Variants in SNAP25 observed in about 807,000 individuals in gnomAD.
SNAP25 encodes the protein synaptosomal-associated protein 25.
SNAP25 carries 3 observed loss-of-function variants against 28.7 expected under a neutral mutation model. The observed-to-expected ratio is 0.10, with a 90% CI of 0.05 to 0.27. The LOEUF (loss-of-function observed/expected upper bound fraction) is 0.27. Among genes scored for constraint, SNAP25 ranks in the 10% least tolerant of loss-of-function variants. The pLI, the probability that SNAP25 is intolerant of heterozygous loss-of-function variation, is 1.00. For synonymous variants in SNAP25, 61 were observed against 88.1 expected, an observed-to-expected ratio of 0.69 and a Z score of 1.72; for missense variants, 117 against 278.7, an observed-to-expected ratio of 0.42 and a Z score of 4.13.
At chr20:10,234,384 G>A (rs1424183128) in intron 1 of SNAP25, among the ~76,000 whole-genome samples, 4 of 152,136 alleles carry the variant, frequency 2.6e-5, no homozygotes, top group African/African-American at 9.7e-5. Context: ...ATCCATAAAT[G>A]GAACACTAGT....
intron 7 of SNAP25, among the ~76,000 whole-genome samples, chr20:10,304,223 C>T (rs1312147316): frequency 6.6e-6 from 1 of 152,144 alleles, no homozygotes; most frequent in Non-Finnish European, 1.5e-5. Context: ...TTTCTGACTG[C>T]TTTTCTCATT....
At chr20:10,298,108 C>A (rs67253321) in intron 6 of SNAP25, among the ~76,000 whole-genome samples, 16,516 of 151,792 alleles carry the variant, frequency 0.11, 1,136 homozygotes, top group East Asian at 0.18. Flanking sequence ...CCAGGGGAGA[C>A]TTTTTTTTCT....
At chr20:10,224,166 A>G (rs1422648862) in intron 1 of SNAP25, among the ~76,000 whole-genome samples, 1 of 150,820 alleles carries the variant, frequency 6.6e-6, no homozygotes, top group Non-Finnish European at 1.5e-5. Context: ...GTCTGACTCC[A>G]GAGATTAAGC....
At chr20:10,223,770 A>G (rs895596776) in intron 1 of SNAP25, among the ~76,000 whole-genome samples, 1 of 152,238 alleles carries the variant, frequency 6.6e-6, no homozygotes, top group Non-Finnish European at 1.5e-5. Flanking sequence ...TGCCTTAACA[A>G]TAATACCTAC....
intron 1 of SNAP25, among the ~76,000 whole-genome samples, chr20:10,241,744 C>T (rs2063037824): frequency 6.6e-6 from 1 of 152,116 alleles, no homozygotes; most frequent in Admixed American, 6.5e-5. Flanking sequence ...TTTCAAGACA[C>T]AGCAATAGGC....
chr20:10,292,276 T>C (rs1447735424), intron 4 of SNAP25, among the ~76,000 whole-genome samples: 2 of 152,212 alleles, frequency 1.3e-5, no homozygotes, highest in African/African-American at 4.8e-5. Flanking sequence ...GTGTGGATGT[T>C]ACTCTTTTTT....
intron 4 of SNAP25, among the ~76,000 whole-genome samples, chr20:10,289,219 C>A (rs746502169): frequency 3.3e-5 from 5 of 152,112 alleles, no homozygotes; most frequent in Non-Finnish European, 5.9e-5. Flanking sequence ...GACAACCAGA[C>A]CTGGAAACGT....
chr20:10,304,441 TAAAAAGTC>T lies in SNAP25; in HGVS notation c.553-1687_553-1680del, dbSNP rs2064309242. 2.0e-5 allele frequency among the ~76,000 whole-genome samples: 3 copies of T among 152,172 alleles called. 1 individual carries two copies. Among genetic ancestry groups the T allele is most frequent in the Admixed American group, 2.0e-4 (3 of 15,274 alleles). On this transcript the variant is annotated intron_variant, in intron 7 of 7. Coordinates refer to ENST00000254976, the MANE Select transcript of SNAP25 (RefSeq NM_130811.4). ...CTGTTGACTGGAAGCCTTAATGACATAAAAAGTCCATTAACATCTATGTTTTATGTATT... is the reference window on the plus strand; with the variant it reads ...CTGTTGACTGGAAGCCTTAATGACATCATTAACATCTATGTTTTATGTATT...
intron 7 of SNAP25, among the ~76,000 whole-genome samples, chr20:10,300,557 C>T (rs1015648817): frequency 6.6e-6 from 1 of 152,098 alleles, no homozygotes; most frequent in Non-Finnish European, 1.5e-5. Flanking sequence ...GAGAAGGATA[C>T]TTTTAAGATT....
intron 4 of SNAP25, among the ~76,000 whole-genome samples, chr20:10,286,847 T>C (rs956639470): frequency 6.6e-6 from 1 of 152,276 alleles, no homozygotes; most frequent in Admixed American, 6.5e-5. Context: ...TAGAGTTCCA[T>C]GTTGAAGATA....
chr20:10,288,735 G>A (rs929263456), intron 4 of SNAP25, among the ~76,000 whole-genome samples: 6 of 151,918 alleles, frequency 3.9e-5, no homozygotes, highest in South Asian at 2.1e-4. Flanking sequence ...TGAGAAACAC[G>A]CAACTGTAAA....
At chr20:10,225,799 A>T (rs1295471492) in intron 1 of SNAP25, among the ~76,000 whole-genome samples, 1 of 152,112 alleles carries the variant, frequency 6.6e-6, no homozygotes, top group Admixed American at 6.6e-5. Context: ...TTCAAATGAC[A>T]CTAGTCACAG....
chr20:10,236,391 T>C (rs1377094068), intron 1 of SNAP25, among the ~76,000 whole-genome samples: 1 of 151,670 alleles, frequency 6.6e-6, no homozygotes. Flanking sequence ...GGATTCAAAC[T>C]GGCAGGGTGG....
Position 10,256,234 on chromosome 20 carries a change from T to C in SNAP25, c.-63-19195T>C, listed in dbSNP as rs1037285091. ...AGTTTGTTAGTAGTTGAAACCTTCA[T>C]GTGCATCTTTCAAGTCTATCCGCTA... is the stretch of plus-strand genomic sequence containing the variant. On this transcript the variant is annotated intron_variant, in intron 1 of 7. Coordinates refer to ENST00000254976, the MANE Select transcript of SNAP25 (RefSeq NM_130811.4). Among the ~76,000 whole-genome samples the C allele has an allele frequency of 2.6e-5, 4 of 152,362 alleles. No homozygotes were observed. The East Asian group carries it at 5.8e-4, about 22-fold the overall frequency.
At chr20:10,288,513 T>A (rs1192612703) in intron 4 of SNAP25, among the ~76,000 whole-genome samples, 1 of 152,226 alleles carries the variant, frequency 6.6e-6, no homozygotes, top group Non-Finnish European at 1.5e-5. Context: ...TATATCTTCT[T>A]TAGCACAAAT....
rs1458595634 is a variant in SNAP25 at position 10,293,080 on chromosome 20, A to G, written c.164-81A>G. On this transcript the variant is annotated intron_variant, in intron 4 of 7. Transcript: ENST00000254976. This position sits in a 1 kb window ranked among gnomAD's most constrained non-coding sequence, Gnocchi z 5.6. ...TTTTTCTTTTTTAATGTCAAAGTGA[A>G]TGTCTGAAGTTTTGTCTTTTTTTCT... 1.4e-6 allele frequency: 2 copies of G among 1,444,824 alleles called. No individual in the cohort carries two copies. Among genetic ancestry groups the G allele is most frequent in the South Asian group, 1.3e-5 (1 of 78,520 alleles). 89.5% of individuals were successfully genotyped at this position (1,444,824 alleles called of 1,614,324 possible).
chr20:10,287,911 A>G (rs1441342479), intron 4 of SNAP25, among the ~76,000 whole-genome samples: 1 of 152,154 alleles, frequency 6.6e-6, no homozygotes, highest in Non-Finnish European at 1.5e-5. Context: ...TTGCAAGACC[A>G]AAAAATCAAA....
chr20:10,298,106 G>T (rs2064154173), intron 6 of SNAP25, among the ~76,000 whole-genome samples: 1 of 151,962 alleles, frequency 6.6e-6, no homozygotes, highest in Non-Finnish European at 1.5e-5. Flanking sequence ...CACCAGGGGA[G>T]ACTTTTTTTT....
At chr20:10,235,880 G>C (rs1325395807) in intron 1 of SNAP25, among the ~76,000 whole-genome samples, 2 of 152,208 alleles carry the variant, frequency 1.3e-5, no homozygotes, top group Non-Finnish European at 1.5e-5. Flanking sequence ...CAGCAAGAGA[G>C]AACAAGCCCC....
Sources: allele counts gnomAD v4.1 joint callset (sites outside exome capture counted in the v4.1 genomes callset), GRCh38; gene constraint gnomAD v4.1.1; non-coding constraint Gnocchi (gnomAD v3.1); transcripts MANE v1.5; gene names NCBI Gene and HGNC (gene_info 2026-07-23, HGNC 2026-07-21).